ZNF23: variants seen among roughly 807,000 people sequenced by gnomAD.
The protein encoded by ZNF23 is kruppel-like zinc finger factor X31.
In ZNF23, 48 loss-of-function variants were observed where a neutral mutation model predicts 56.2. The observed-to-expected ratio is 0.85, with a 90% confidence interval of 0.68 to 1.09. ZNF23 has a LOEUF of 1.09. ZNF23 is among the 50% of genes least tolerant of loss of function. ZNF23 has a pLI of 0.00. For missense variants in ZNF23, 805 were observed against 811.4 expected (o/e 0.99, Z 0.10); for synonymous variants, 266 against 283.3 (o/e 0.94, Z 0.61).
In ZNF23 at chr16:71,447,783, G is replaced by C. The variant is rs1311182508; in HGVS notation, c.*310C>G. 1 of 195,864 alleles carries C rather than the reference G, an allele frequency of 5.1e-6. No individual in the cohort carries two copies. The highest frequency in any genetic ancestry group is 1.0e-5 in the Non-Finnish European group (1 of 97,656). The allele number at this position is 195,864 out of a possible 1,614,324, so 12.1% of individuals were successfully genotyped here. A position where few individuals can be genotyped will look rare whatever the true frequency, so the allele number is the denominator to read the frequency against. ...CCTTTGTAAAGTGGCCCTCAGTGAA[G>C]ACTTAAATTTCTCCATACAAGTCCT... On this transcript the variant is annotated 3_prime_UTR_variant, in exon 5 of 5. Coordinates refer to ENST00000647773, the MANE Select transcript of ZNF23 (RefSeq NM_001381984.1).
chr16:71,453,682 C>T (rs2043130400), intron 3 of ZNF23: 4 of 468,534 alleles, frequency 8.5e-6, no homozygotes, highest in African/African-American at 7.8e-5. Context: ...ACTTTTTGAC[C>T]TTGGCCTGAA....
intron 2 of ZNF23, 149 bp from the exon 3 acceptor site, chr16:71,454,317 T>A (rs1677779298): frequency 3.6e-6 from 4 of 1,106,490 alleles, no homozygotes; most frequent in Non-Finnish European, 4.9e-6. Flanking sequence ...AGAAAAAAAA[T>A]ATCGAGAAAG....
intron 1 of ZNF23, chr16:71,461,539 G>A (rs1340580416): frequency 2.0e-5 from 3 of 152,198 alleles, no homozygotes; most frequent in East Asian, 3.9e-4. Flanking sequence ...ATGGGGGTAT[G>A]AATTAGCGAT....
At position 71,449,179 on chromosome 16, in the gene ZNF23, G is replaced by A; in HGVS notation, c.975C>T (p.Cys325=). The change falls in exon 5 of 5, where the codon TGC becomes TGT. Residue 325 remains cysteine (C), a synonymous_variant. Coordinates refer to ENST00000647773, the MANE Select transcript of ZNF23 (RefSeq NM_001381984.1). ...AGCTGAAGCCATTTCCACATTCCTT[G>A]CACTGATAGGGCTTCTCTCCCGTAT... ...RIHTGEKPYQ[C]KECGNGFSCS... 6.2e-7 allele frequency: 1 copy of A among 1,613,854 alleles called. No individual in the cohort carries two copies. The highest frequency in any genetic ancestry group is 8.5e-7 in the Non-Finnish European group (1 of 1,179,968).
chr16:71,456,255 C>T (rs759911477), intron 2 of ZNF23: 3 of 353,604 alleles, frequency 8.5e-6, no homozygotes, highest in Non-Finnish European at 1.7e-5. Context: ...TTGAAAGCTT[C>T]ACAAGCACAA....
intron 2 of ZNF23, chr16:71,456,011 G>C (rs2043217716): frequency 6.6e-6 from 3 of 456,520 alleles, no homozygotes; most frequent in Admixed American, 2.3e-5. Context: ...GCTTAGTATG[G>C]CTCCTGGAGC....
intron 3 of ZNF23, chr16:71,453,657 GC>G (rs976637721): frequency 2.6e-5 from 12 of 470,170 alleles, no homozygotes; most frequent in African/African-American, 1.6e-4. Flanking sequence ...GGGAGATTCT[GC>G]CCAAAGGGAT....
chr16:71,453,263 C>A lies in ZNF23; in HGVS notation c.248G>T (p.Gly83Val). 6.2e-7 allele frequency: 1 copy of A among 1,608,330 alleles called. No individual in the cohort carries two copies. The highest frequency in any genetic ancestry group is 8.5e-7 in the Non-Finnish European group (1 of 1,177,114). Residue 83 changes from glycine to valine, a missense_variant, in exon 4 of 5, where the codon GGC (glycine) becomes GTC (valine). Physicochemically the swap from Gly to Val is moderately radical, Grantham distance 109. Coordinates refer to ENST00000647773, the MANE Select transcript of ZNF23 (RefSeq NM_001381984.1). Reference sequence around the variant, plus strand: ...CTTACCAGTCTGGAGGCCCTGGAGGCCTGTTCCTGCAGCCAGTGGAGATGA... The same window carrying A: ...CTTACCAGTCTGGAGGCCCTGGAGGACTGTTCCTGCAGCCAGTGGAGATGA... ...GGSSPLAAGT[G>V]LQGLQTVDIQ...
At chr16:71,459,778 G>C (rs527485010) in intron 1 of ZNF23, among the ~76,000 whole-genome samples, 1 of 152,078 alleles carries the variant, frequency 6.6e-6, no homozygotes, top group Non-Finnish European at 1.5e-5. Flanking sequence ...TGGCTTTATT[G>C]CATGATGGTT....
Position 71,449,072 on chromosome 16 carries a change from T to C in ZNF23, c.1082A>G (p.Asn361Ser), listed in dbSNP as rs1248644224. Residue 361 changes from asparagine to serine, a missense_variant, in exon 5 of 5, where the codon AAT becomes AGT. Physicochemically the swap from Asn to Ser is conservative, Grantham distance 46. Coordinates refer to ENST00000647773, the MANE Select transcript of ZNF23 (RefSeq NM_001381984.1). ...YECNDCGKAF[N>S]VNAKLIQHQR... ...ATGTTGAATTAATTTTGCATTAACA[T>C]TGAACGCTTTCCCACAGTCATTACA... 6.8e-6 allele frequency: 11 copies of C among 1,614,148 alleles called. No homozygotes were observed. The highest frequency in any genetic ancestry group is 3.3e-5 in the South Asian group (3 of 91,080).
chr16:71,449,960 A>G, intron 4 of ZNF23, 75 bp from the exon 5 acceptor site: 1 of 1,245,176 alleles, frequency 8.0e-7, no homozygotes, highest in Non-Finnish European at 1.1e-6. Context: ...GCTATAAAAG[A>G]CCATAATAAT....
At chr16:71,453,817 G>A (rs2043134368) in intron 3 of ZNF23, 1 of 589,158 alleles carries the variant, frequency 1.7e-6, no homozygotes, top group Non-Finnish European at 3.0e-6. Flanking sequence ...TAGCTTTCAT[G>A]GGTTGGATCA....
chr16:71,459,760 A>G (rs61559998), intron 1 of ZNF23, among the ~76,000 whole-genome samples: 6,045 of 152,282 alleles, frequency 0.04, 404 homozygotes, highest in African/African-American at 0.14. Context: ...TCTTCTGTTT[A>G]TAAGTTCTGG....
chr16:71,456,210 C>G (rs551832231), intron 2 of ZNF23: 1 of 367,712 alleles, frequency 2.7e-6, no homozygotes, highest in East Asian at 7.8e-5. Flanking sequence ...GGGTGGAAAG[C>G]TCTTCTCAGA....
intron 2 of ZNF23, among the ~76,000 whole-genome samples, chr16:71,455,165 C>A (rs2043182318): frequency 6.6e-6 from 1 of 152,214 alleles, no homozygotes; most frequent in African/African-American, 2.4e-5. Context: ...CAAGTAACTT[C>A]TCTGCACAAA....
In ZNF23 at chr16:71,448,897, A is replaced by G; in HGVS notation, c.1257T>C (p.Asn419=). 6.2e-7 allele frequency: 1 copy of G among 1,614,090 alleles called. No individual in the cohort carries two copies. The highest frequency in any genetic ancestry group is 8.5e-7 in the Non-Finnish European group (1 of 1,180,004). The change falls in exon 5 of 5, where the codon AAT becomes AAC. Residue 419 remains asparagine (N), a synonymous_variant. Transcript: ENST00000647773. ...CKECGKGFNN[N]TKLIQHQRIH... ...TTCTCTGATGCTGAATGAGTTTTGT[A>G]TTATTATTGAAGCCTTTTCCACACT...
In ZNF23 at chr16:71,448,890, G is replaced by C. The variant is rs758247544; in HGVS notation, c.1264C>G (p.Leu422Val). The C allele has an allele frequency of 5.6e-6, 9 of 1,614,040 alleles. No homozygotes were observed. The highest frequency in any genetic ancestry group is 4.5e-5 in the East Asian group (2 of 44,894). Residue 422 changes from leucine (L) to valine (V), a missense_variant, in exon 5 of 5, where the codon CTC (leucine) becomes GTC (valine). Transcript: ENST00000647773. ...CGKGFNNNTKLIQHQRIHTGE... is the reference protein window; with the variant it reads ...CGKGFNNNTKVIQHQRIHTGE... ...GTGTGGATTCTCTGATGCTGAATGA[G>C]TTTTGTATTATTATTGAAGCCTTTT...
At chr16:71,450,733 G>C in intron 4 of ZNF23, 1 of 411,798 alleles carries the variant, frequency 2.4e-6, no homozygotes, top group South Asian at 1.7e-5. Flanking sequence ...AAAAAAAAAA[G>C]TGACAGTAGT....
At position 71,449,727 on chromosome 16, in the gene ZNF23, T is replaced by C; in HGVS notation, c.427A>G (p.Lys143Glu). 1 of 1,614,010 alleles carries C rather than the reference T, an allele frequency of 6.2e-7. No homozygotes were observed. The change falls in exon 5 of 5, where the codon AAG (lysine) becomes GAG (glutamate). Residue 143 changes from lysine to glutamate, a missense_variant. By Grantham distance (56) the Lys-to-Glu change is moderately conservative (BLOSUM62 1). Transcript: ENST00000647773. ...CCATCAATGGTGTTGCTCTTCTCCT[T>C]CTTTATATTTCCTGCTGAGTGGACT... ...QEVHSAGNIK[K>E]EKSNTIDGTV... is the part of the protein sequence containing the mutation.
Sources: allele counts gnomAD v4.1 joint callset (sites outside exome capture counted in the v4.1 genomes callset), GRCh38; gene constraint gnomAD v4.1.1; transcripts MANE v1.5; gene names NCBI Gene and HGNC (gene_info 2026-07-23, HGNC 2026-07-21).